Variants in POLE observed in about 807,000 individuals in gnomAD.
The protein encoded by POLE is DNA polymerase epsilon, catalytic subunit.
A neutral mutation model predicts 279.2 loss-of-function variants in POLE; 188 were observed. The ratio of observed to expected loss-of-function variants is 0.67; its 90% CI spans 0.60 to 0.76. The LOEUF (loss-of-function observed/expected upper bound fraction) is 0.76. Ranked by LOEUF, POLE falls within the 30% of genes least tolerant of loss-of-function variation. POLE has a pLI of 0.00. For missense variants in POLE, 2,703 were observed against 3,016.7 expected, an observed-to-expected ratio of 0.90 and a Z score of 2.44; for synonymous variants, 1,214 against 1,172.5, an observed-to-expected ratio of 1.04 and a Z score of -0.72.
At chr12:132,624,839 C>T in intron 48 of POLE, 29 bp from the exon 49 acceptor site, 1 of 1,587,538 alleles carries the variant, frequency 6.3e-7, no homozygotes, top group Non-Finnish European at 8.6e-7. Flanking sequence ...ACAGTGAGAC[C>T]CCAGTCCACT....
At chr12:132,667,779 G>T in intron 19 of POLE, 131 bp from the exon 20 acceptor site, 1 of 982,096 alleles carries the variant, frequency 1.0e-6, no homozygotes, top group Non-Finnish European at 1.5e-6. Flanking sequence ...TACACTGCTA[G>T]TTTCTCATAC....
chr12:132,636,483 C>T (rs1004508969), intron 41 of POLE, among the ~76,000 whole-genome samples: 57 of 147,588 alleles, frequency 3.9e-4, no homozygotes, highest in South Asian at 2.1e-4. Flanking sequence ...AGGCCAGGCA[C>T]GGTGGCTCAC....
chr12:132,672,139 A>T, intron 16 of POLE, 76 bp downstream of exon 16: 1 of 1,004,096 alleles, frequency 1.0e-6, no homozygotes. Flanking sequence ...TGCACAATAA[A>T]CGTGCTGCTG....
intron 10 of POLE, 52 bp downstream of exon 10, chr12:132,676,042 A>G: frequency 8.3e-7 from 1 of 1,210,346 alleles, no homozygotes; most frequent in Non-Finnish European, 1.2e-6. Flanking sequence ...AAAGATCCAC[A>G]TGTCCGTTCT....
chr12:132,669,174 A>G (rs1171192965), intron 16 of POLE, among the ~76,000 whole-genome samples: 2 of 152,222 alleles, frequency 1.3e-5, no homozygotes, highest in Admixed American at 1.3e-4. Context: ...GTATTAAAAA[A>G]AATCCTTAGG....
intron 1 of POLE, among the ~76,000 whole-genome samples, chr12:132,685,706 A>G (rs1372091182): frequency 6.6e-6 from 1 of 152,092 alleles, no homozygotes; most frequent in Non-Finnish European, 1.5e-5. Flanking sequence ...CCAAGTTCCA[A>G]CACACCATGT....
intron 29 of POLE, chr12:132,650,185 G>A: frequency 2.6e-6 from 1 of 382,544 alleles, no homozygotes; most frequent in Non-Finnish European, 4.8e-6. Flanking sequence ...CTCCAGCCTG[G>A]GCAAGTGAGA....
intron 26 of POLE, chr12:132,658,483 T>C (rs998797866): frequency 6.4e-6 from 1 of 155,988 alleles, no homozygotes; most frequent in Admixed American, 6.3e-5. Context: ...ACCACGTGCA[T>C]GCATACAGGC....
At position 132,687,114 on chromosome 12, in the gene POLE, G is replaced by A. The variant is rs941563005; in HGVS notation, c.62+140C>T. ...CCTCCGTCGGCGGTCGGGGCGCGCC[G>A]CCCTACCCCAGTCAGGCGCGGCGAG... On this transcript the variant is annotated intron_variant, in intron 1 of 48. Coordinates refer to ENST00000320574, the MANE Select transcript of POLE (RefSeq NM_006231.4). 114 of 395,116 alleles carry A rather than the reference G, an allele frequency of 2.9e-4. 1 individual carries two copies. The highest frequency in any genetic ancestry group is 3.9e-4 in the Non-Finnish European group (100 of 254,546). The allele number at this position is 395,116 out of a possible 1,614,324, so 24.5% of individuals were successfully genotyped here.
At position 132,675,726 on chromosome 12, in the gene POLE, C is replaced by A. The variant is rs746392495; in HGVS notation, c.1106+9G>T. ...TGCCCAGTTACTCATAGAGAAGACA[C>A]AGACTCACCAGTCAAAAAAGTCCCC... On this transcript the variant is annotated intron_variant, in intron 11 of 48. Transcript: ENST00000320574. This position sits in a 1 kb window ranked among gnomAD's most constrained non-coding sequence, Gnocchi z 4.3. The A allele has an allele frequency of 1.1e-5, 17 of 1,612,362 alleles. No individual in the cohort carries two copies. Among genetic ancestry groups the A allele is most frequent in the Non-Finnish European group, 1.4e-5 (17 of 1,178,500 alleles).
chr12:132,683,903 C>A (rs1396423436), intron 1 of POLE, among the ~76,000 whole-genome samples: 1 of 152,232 alleles, frequency 6.6e-6, no homozygotes, highest in Non-Finnish European at 1.5e-5. Flanking sequence ...AGGGAGCTAC[C>A]ATCGACTGGT....
rs1342659224 is a variant in POLE, at chr12:132,625,011, C to T, written c.6658-17G>A. 10 of 1,603,396 alleles carry T rather than the reference C, an allele frequency of 6.2e-6. No individual in the cohort carries two copies. Among genetic ancestry groups the T allele is most frequent in the Non-Finnish European group, 8.5e-6 (10 of 1,171,096 alleles). ...CAGGCAGACCTGAAAGGGAGCAGCC[C>T]CGATGGGCGCCAGCCCTCCCGCGCT... is the stretch of plus-strand genomic sequence containing the variant. On this transcript the variant is annotated splice_polypyrimidine_tract_variant and intron_variant, in intron 47 of 48. Coordinates refer to ENST00000320574, the MANE Select transcript of POLE (RefSeq NM_006231.4).
chr12:132,646,525 T>TA (rs57636810), intron 32 of POLE, among the ~76,000 whole-genome samples: 94 of 144,748 alleles, frequency 6.5e-4, no homozygotes, highest in Admixed American at 1.9e-3. Context: ...TTTCTTCCTT[T>TA]AAAAAAAAAA....
chr12:132,651,911 C>G (rs1021907777), intron 29 of POLE, among the ~76,000 whole-genome samples: 1 of 152,340 alleles, frequency 6.6e-6, no homozygotes. Context: ...TACACGAGTG[C>G]ATTTAAGTTG....
intron 38 of POLE, 87 bp downstream of exon 38, chr12:132,642,090 T>C: frequency 8.1e-7 from 1 of 1,241,288 alleles, no homozygotes; most frequent in Non-Finnish European, 1.1e-6. Flanking sequence ...TCTGAGCCCA[T>C]CCTCGGCACT....
intron 39 of POLE, 152 bp downstream of exon 39, chr12:132,641,495 A>G: frequency 1.5e-6 from 1 of 665,616 alleles, no homozygotes; most frequent in Non-Finnish European, 2.6e-6. Flanking sequence ...AAGACAATAG[A>G]CTATGGAAAA....
chr12:132,625,111 T>C, intron 47 of POLE, 117 bp from the exon 48 acceptor site: 4 of 761,720 alleles, frequency 5.3e-6, no homozygotes, highest in Non-Finnish European at 6.8e-6. Context: ...CTCGAGCCCC[T>C]GCTGTGTGCA....
Position 132,634,168 on chromosome 12 carries a change from CCTGGGCT to C in POLE, c.6004+11_6004+17del. On this transcript the variant is annotated intron_variant, in intron 43 of 48. Transcript: ENST00000320574. The surrounding 1 kb of genome is among the most constrained non-coding windows in gnomAD (Gnocchi z 4.0). ...GTCCCTTCAGTGGGGGCTGCGCAGC[CCTGGGCT>C]CTGGGCTTACCTGAAACAATCATGA... is the stretch of plus-strand genomic sequence containing the variant. 6.2e-7 allele frequency: 1 copy of C among 1,600,924 alleles called. No homozygotes were observed. Among genetic ancestry groups the C allele is most frequent in the Non-Finnish European group, 8.5e-7 (1 of 1,172,540 alleles).
chr12:132,627,303 AT>A (rs922405786), intron 45 of POLE, among the ~76,000 whole-genome samples: 1 of 151,374 alleles, frequency 6.6e-6, no homozygotes, highest in South Asian at 2.1e-4. Context: ...AAGCTATGTG[AT>A]TTTTTTTATT....
Sources: gnomAD v4.1 joint callset for allele counts (sites outside exome capture counted in the v4.1 genomes callset) on GRCh38, gnomAD v4.1.1 for gene constraint, Gnocchi (gnomAD v3.1) non-coding constraint, MANE v1.5 for transcripts, NCBI Gene and HGNC (gene_info 2026-07-23, HGNC 2026-07-21) for gene names.